The following ANO3 variants were observed in gnomAD, a reference collection of about 807,000 sequenced individuals.
ANO3 encodes the protein anoctamin-3.
ANO3 carries 99 observed loss-of-function variants against 144.8 expected under a neutral mutation model. The observed-to-expected ratio is 0.68, with a 90% CI of 0.58 to 0.81. The LOEUF is 0.81. Ranked by LOEUF, ANO3 falls within the 30% of genes least tolerant of loss-of-function variation. The pLI, the probability that ANO3 is intolerant of heterozygous loss-of-function variation, is 0.00. For synonymous variants in ANO3, 414 were observed against 392.6 expected (o/e 1.05, Z -0.64); for missense variants, 905 against 1,202.2 (o/e 0.75, Z 3.66).
chr11:26,483,056 A>G (rs1258618766), intron 4 of ANO3, among the ~76,000 whole-genome samples: 8 of 151,788 alleles, frequency 5.3e-5, no homozygotes, highest in African/African-American at 1.2e-4. Context: ...TTTTTTTTCA[A>G]TATAATGATT....
chr11:26,192,813 T>C (rs1398832349), intron 1 of ANO3, among the ~76,000 whole-genome samples: 1 of 152,194 alleles, frequency 6.6e-6, no homozygotes, highest in East Asian at 1.9e-4. Context: ...CCAGTATTAC[T>C]TGAAAATTAA....
intron 3 of ANO3, among the ~76,000 whole-genome samples, chr11:26,449,915 C>T (rs144591046): frequency 0.024 from 3,676 of 152,036 alleles, 75 homozygotes; most frequent in Middle Eastern, 0.051. Context: ...CCACCACATC[C>T]GGCTAATTTT....
intron 11 of ANO3, among the ~76,000 whole-genome samples, chr11:26,544,261 TATATATATATATAC>T (rs770693093): frequency 0.029 from 2,359 of 81,328 alleles, 144 homozygotes; most frequent in African/African-American, 0.057. Flanking sequence ...CATATATATA[TATATATATATATAC>T]ACACATACAC....
At chr11:26,358,170 C>CTTTTT (rs34078380) in intron 1 of ANO3, among the ~76,000 whole-genome samples, 13 of 119,658 alleles carry the variant, frequency 1.1e-4, no homozygotes, top group Admixed American at 1.9e-4. Context: ...ACAATTTCAA[C>CTTTTT]TTTTTTTTTT....
intron 4 of ANO3, among the ~76,000 whole-genome samples, chr11:26,464,927 C>A (rs1006937615): frequency 6.6e-6 from 1 of 151,712 alleles, no homozygotes. Flanking sequence ...TGTTTAAATG[C>A]CATTTTGGTA....
intron 26 of ANO3, among the ~76,000 whole-genome samples, chr11:26,658,196 T>G (rs1853757099): frequency 6.6e-6 from 1 of 152,206 alleles, no homozygotes. Context: ...CACCATTTAT[T>G]GAAGAGACTA....
chr11:26,566,000 G>T, intron 14 of ANO3: 1 of 1,143,268 alleles, frequency 8.7e-7, no homozygotes, highest in African/African-American at 1.6e-5. Context: ...ATAATATAGA[G>T]ATGGTAATAT....
At chr11:26,401,848 C>T (rs1429865084) in intron 1 of ANO3, among the ~76,000 whole-genome samples, 6 of 151,986 alleles carry the variant, frequency 3.9e-5, no homozygotes, top group Admixed American at 2.6e-4. Context: ...TAGTCTACCT[C>T]GTTAACCCAG....
chr11:26,338,577 C>G (rs11029527), intron 1 of ANO3, among the ~76,000 whole-genome samples: 1 of 152,132 alleles, frequency 6.6e-6, no homozygotes, highest in African/African-American at 2.4e-5. Context: ...TTTGTTCTTT[C>G]GCTTTTTATA....
intron 1 of ANO3, among the ~76,000 whole-genome samples, chr11:26,272,402 C>T (rs1361601420): frequency 2.0e-5 from 3 of 152,148 alleles, no homozygotes; most frequent in Non-Finnish European, 2.9e-5. Flanking sequence ...CCCCAGCAGG[C>T]ATGACAACTT....
At chr11:26,209,968 G>T (rs1288283755) in intron 1 of ANO3, among the ~76,000 whole-genome samples, 1 of 152,068 alleles carries the variant, frequency 6.6e-6, no homozygotes, top group Admixed American at 6.6e-5. Flanking sequence ...TTCTTTTGCT[G>T]TGCAGAAGCT....
chr11:26,618,029 C>G (rs395877), intron 17 of ANO3, among the ~76,000 whole-genome samples: 1 of 152,038 alleles, frequency 6.6e-6, no homozygotes, highest in African/African-American at 2.4e-5. Context: ...CAGACCAAAA[C>G]TAAATATGCA....
chr11:26,261,832 T>C (rs1176886585), intron 1 of ANO3, among the ~76,000 whole-genome samples: 3 of 152,334 alleles, frequency 2.0e-5, no homozygotes, highest in African/African-American at 7.2e-5. Context: ...GTTTGACATA[T>C]AGTTGTATTC....
At chr11:26,653,929 T>G (rs772722528) in intron 24 of ANO3, among the ~76,000 whole-genome samples, 2 of 152,176 alleles carry the variant, frequency 1.3e-5, no homozygotes, top group Non-Finnish European at 2.9e-5. Flanking sequence ...GAAAAGACAA[T>G]TATTTCACCA....
chr11:26,366,170 G>GTGTGTGAT (rs2133931837), intron 1 of ANO3, among the ~76,000 whole-genome samples: 1 of 151,896 alleles, frequency 6.6e-6, no homozygotes, highest in South Asian at 2.1e-4. Flanking sequence ...ACAGGCTCCG[G>GTGTGTGAT]TGTGTGATGT....
chr11:26,221,994 T>C (rs1011253904), intron 1 of ANO3, among the ~76,000 whole-genome samples: 1 of 152,208 alleles, frequency 6.6e-6, no homozygotes, highest in Non-Finnish European at 1.5e-5. Flanking sequence ...CTAAATTTTA[T>C]GTCCTTCTCA....
At chr11:26,577,716 A>G (rs1374130866) in intron 14 of ANO3, among the ~76,000 whole-genome samples, 3 of 152,218 alleles carry the variant, frequency 2.0e-5, no homozygotes, top group African/African-American at 7.2e-5. Flanking sequence ...CATGAGTACA[A>G]ATCGATAGTA....
rs578250385 is a variant in ANO3 at position 26,534,877 on chromosome 11, A to G, written c.976+315A>G. Among the ~76,000 whole-genome samples, 3 of 152,274 alleles carry G rather than the reference A, an allele frequency of 2.0e-5. No individual in the cohort carries two copies. The East Asian group carries it at 5.8e-4, about 29-fold the overall frequency. On this transcript the variant is annotated intron_variant, in intron 9 of 26. Transcript: ENST00000256737. ...CAAAATATGCAGAAATTTGCTCATC[A>G]TGGGCTTGTTTGTAATAGAATTACC...
At chr11:26,332,122 CGTAGCCTGGAGA>C (rs1855062120) in exon 1 of ANO3, 37 of 1,491,466 alleles carry the variant, frequency 2.5e-5, no homozygotes, top group Non-Finnish European at 3.2e-5. Context: ...CCGGCGGGCG[CGTAGCCTGGAGA>C]GCGAAGTGCC....
Sources: allele counts gnomAD v4.1 joint callset (sites outside exome capture counted in the v4.1 genomes callset), GRCh38; gene constraint gnomAD v4.1.1; transcripts MANE v1.5; gene names NCBI Gene and HGNC (gene_info 2026-07-23, HGNC 2026-07-21).